Variants in DCUN1D5 observed in about 807,000 individuals in gnomAD.
The protein encoded by DCUN1D5 is defective in cullin neddylation 1 domain containing 5.
Under a neutral mutation model 38.3 loss-of-function variants are expected in DCUN1D5, and 10 were observed. The ratio of observed to expected loss-of-function variants is 0.26; its 90% CI spans 0.16 to 0.44. The LOEUF (loss-of-function observed/expected upper bound fraction) is 0.44, where lower values mean the gene tolerates loss of function less well. Ranked by LOEUF, DCUN1D5 falls within the 20% of genes least tolerant of loss-of-function variation. The pLI, the probability that DCUN1D5 is intolerant of heterozygous loss-of-function variation, is 1.00. For synonymous variants in DCUN1D5, 93 were observed against 90.9 expected, an observed-to-expected ratio of 1.02 and a Z score of -0.13; for missense variants, 148 against 275.3, an observed-to-expected ratio of 0.54 and a Z score of 3.27.
In DCUN1D5 at chr11:103,065,651, G is replaced by GA. The variant is rs1862117340; in HGVS notation, c.555+617dup. On this transcript the variant is annotated intron_variant, in intron 6 of 7. Coordinates refer to ENST00000260247, the MANE Select transcript of DCUN1D5 (RefSeq NM_032299.4). The surrounding 1 kb of genome is among the most constrained non-coding windows in gnomAD (Gnocchi z 4.6). ...AAAAAAAAAACTAGACAAAGCAATG[G>GA]AAAAAAAGAATAGCATCTTCTTAGA... Among the ~76,000 whole-genome samples the GA allele has an allele frequency of 6.6e-6, 1 of 151,486 alleles. No individual in the cohort carries two copies. Among genetic ancestry groups the GA allele is most frequent in the Non-Finnish European group, 1.5e-5 (1 of 67,858 alleles).
At position 103,054,272 on chromosome 11, in the gene DCUN1D5, A is replaced by C. The variant is rs1250014202; in HGVS notation, c.*8087T>G. 6.6e-6 allele frequency: 1 copy of C among 152,142 alleles called. No individual in the cohort carries two copies. Among genetic ancestry groups the C allele is most frequent in the African/African-American group, 2.4e-5 (1 of 41,440 alleles). The allele number at this position is 152,142 out of a possible 1,614,324, so 9.4% of individuals were successfully genotyped here. A position where few individuals can be genotyped will look rare whatever the true frequency, so the allele number is the denominator to read the frequency against. ...CTGCTTGAAGAAGTAGTGGGAGCAA[A>C]GATAGAAGGTTAGAATTGTCTCCAT... On this transcript the variant is annotated 3_prime_UTR_variant, in exon 8 of 8. Coordinates refer to ENST00000260247, the MANE Select transcript of DCUN1D5 (RefSeq NM_032299.4).
rs1565287583 is a variant in DCUN1D5 at position 103,071,338 on chromosome 11, GGGTA to G, written c.342-4775_342-4772del. Among the ~76,000 whole-genome samples, 1 of 151,748 alleles carries G rather than the reference GGGTA, an allele frequency of 6.6e-6. No individual in the cohort carries two copies. Among genetic ancestry groups the G allele is most frequent in the African/African-American group, 2.4e-5 (1 of 41,348 alleles). Reference sequence around the variant, plus strand: ...AATTACCCATATCAGGAATGAAATGGGGTATTATTACAGACCCACAGCTATCAAA... The same window carrying G: ...AATTACCCATATCAGGAATGAAATGGTTATTACAGACCCACAGCTATCAAA... On this transcript the variant is annotated intron_variant, in intron 4 of 7. Coordinates refer to ENST00000260247, the MANE Select transcript of DCUN1D5 (RefSeq NM_032299.4). The surrounding 1 kb of genome is among the most constrained non-coding windows in gnomAD (Gnocchi z 4.1).
At chr11:103,084,526 G>A (rs17099924) in intron 2 of DCUN1D5, among the ~76,000 whole-genome samples, 3,685 of 152,246 alleles carry the variant, frequency 0.024, 175 homozygotes, top group African/African-American at 0.084. Context: ...GGTGAAGGGG[G>A]TGATTAATTA....
rs894358570 is a variant in DCUN1D5, at chr11:103,071,758, T to C, written c.342-5191A>G. Among the ~76,000 whole-genome samples, 2 of 151,090 alleles carry C rather than the reference T, an allele frequency of 1.3e-5. No homozygotes were observed. Among genetic ancestry groups the C allele is most frequent in the Non-Finnish European group, 3.0e-5 (2 of 67,654 alleles). On this transcript the variant is annotated intron_variant, in intron 4 of 7. Transcript: ENST00000260247. This position sits in a 1 kb window ranked among gnomAD's most constrained non-coding sequence, Gnocchi z 4.1. ...GTAGTCTGAGTAGACCTGTTATTAT[T>C]AACGAAATTGAACTCAAAATTTTTA... is the stretch of plus-strand genomic sequence containing the variant.
Position 103,054,390 on chromosome 11 carries a change from C to A in DCUN1D5, c.*7969G>T, listed in dbSNP as rs1216532728. Reference sequence around the variant, plus strand: ...AAGGCCCCAATTCCCTGACCGTTTTCTTATTTTTCTCTCTCTCATTATTCA... The same window carrying A: ...AAGGCCCCAATTCCCTGACCGTTTTATTATTTTTCTCTCTCTCATTATTCA... On this transcript the variant is annotated 3_prime_UTR_variant, in exon 8 of 8. Transcript: ENST00000260247. 1 of 152,100 alleles carries A rather than the reference C, an allele frequency of 6.6e-6. No homozygotes were observed. Among genetic ancestry groups the A allele is most frequent in the Non-Finnish European group, 1.5e-5 (1 of 67,972 alleles). The allele number at this position is 152,100 out of a possible 1,614,324, so 9.4% of individuals were successfully genotyped here. A position where few individuals can be genotyped will look rare whatever the true frequency, so the allele number is the denominator to read the frequency against.
In DCUN1D5 at chr11:103,071,564, T is replaced by C. The variant is rs1224737898; in HGVS notation, c.342-4997A>G. Among the ~76,000 whole-genome samples the C allele has an allele frequency of 1.3e-5, 2 of 149,832 alleles. No individual in the cohort carries two copies. Among genetic ancestry groups the C allele is most frequent in the African/African-American group, 2.4e-5 (1 of 41,138 alleles). ...GATATTTTATATCTATTGATTTATA[T>C]AGATATAATCTATATCTATGTAAAT... On this transcript the variant is annotated intron_variant, in intron 4 of 7. Coordinates refer to ENST00000260247, the MANE Select transcript of DCUN1D5 (RefSeq NM_032299.4). This position sits in a 1 kb window ranked among gnomAD's most constrained non-coding sequence, Gnocchi z 4.1.
At chr11:103,068,618 G>T (rs117146867) in intron 4 of DCUN1D5, among the ~76,000 whole-genome samples, 1 of 152,080 alleles carries the variant, frequency 6.6e-6, no homozygotes. Context: ...TCACTTATAC[G>T]TGGGAGCTAA....
rs1862037359 is a variant in DCUN1D5 at position 103,062,447 on chromosome 11, C to G, written c.659-33G>C. 1 of 1,586,796 alleles carries G rather than the reference C, an allele frequency of 6.3e-7. No homozygotes were observed. Among genetic ancestry groups the G allele is most frequent in the Non-Finnish European group, 8.6e-7 (1 of 1,157,712 alleles). Reference sequence around the variant, plus strand: ...AAAAGAAACCATTTTTGTCAGAATTCAGTGAACTCATCTCTCCAATTATAA... The same window carrying G: ...AAAAGAAACCATTTTTGTCAGAATTGAGTGAACTCATCTCTCCAATTATAA... On this transcript the variant is annotated intron_variant, in intron 7 of 7. Coordinates refer to ENST00000260247, the MANE Select transcript of DCUN1D5 (RefSeq NM_032299.4). The surrounding 1 kb of genome is among the most constrained non-coding windows in gnomAD (Gnocchi z 4.6).
At chr11:103,076,086 G>A (rs1862401087) in intron 4 of DCUN1D5, among the ~76,000 whole-genome samples, 1 of 152,112 alleles carries the variant, frequency 6.6e-6, no homozygotes, top group Non-Finnish European at 1.5e-5. Context: ...ATCTTAACAG[G>A]CTTGAGACTT....
In DCUN1D5 at chr11:103,072,488, A is replaced by G. The variant is rs911706767; in HGVS notation, c.342-5921T>C. Reference sequence around the variant, plus strand: ...TATGTTTACTGTGGCACTATTCACAATAGTAAAGACTTGGAACCATCCCAA... The same window carrying G: ...TATGTTTACTGTGGCACTATTCACAGTAGTAAAGACTTGGAACCATCCCAA... On this transcript the variant is annotated intron_variant, in intron 4 of 7. Coordinates refer to ENST00000260247, the MANE Select transcript of DCUN1D5 (RefSeq NM_032299.4). Among the ~76,000 whole-genome samples, 3 of 152,220 alleles carry G rather than the reference A, an allele frequency of 2.0e-5. No homozygotes were observed. The South Asian group carries it at 6.2e-4, about 32-fold the overall frequency.
chr11:103,064,456 C>T lies in DCUN1D5; in HGVS notation c.556-79G>A. ...CTCAATTTAGTAAACTAAGTTTTAA[C>T]TGTTTTTGTGATTTGGTTTTTTCTA... On this transcript the variant is annotated intron_variant, in intron 6 of 7. Coordinates refer to ENST00000260247, the MANE Select transcript of DCUN1D5 (RefSeq NM_032299.4). The surrounding 1 kb of genome is among the most constrained non-coding windows in gnomAD (Gnocchi z 4.5). The T allele has an allele frequency of 8.7e-7, 1 of 1,143,254 alleles. No individual in the cohort carries two copies. The highest frequency in any genetic ancestry group is 1.2e-6 in the Non-Finnish European group (1 of 834,424). 70.8% of individuals were successfully genotyped at this position (1,143,254 alleles called of 1,614,324 possible).
rs182001706 is a variant in DCUN1D5 at position 103,055,248 on chromosome 11, A to G, written c.*7111T>C. On this transcript the variant is annotated 3_prime_UTR_variant, in exon 8 of 8. Coordinates refer to ENST00000260247, the MANE Select transcript of DCUN1D5 (RefSeq NM_032299.4). ...CATGTCAACACTCAAAAAGTTTTGG[A>G]TTTTGAAGCATTTTGAATTTCAGAT... 4.6e-5 allele frequency: 7 copies of G among 152,220 alleles called. No homozygotes were observed. The highest frequency in any genetic ancestry group is 2.6e-4 in the Admixed American group (4 of 15,298). The allele number at this position is 152,220 out of a possible 1,614,324, so 9.4% of individuals were successfully genotyped here. A position where few individuals can be genotyped will look rare whatever the true frequency, so the allele number is the denominator to read the frequency against.
rs1311441756 is a variant in DCUN1D5, at chr11:103,054,208, TG to T, written c.*8150del. 4.6e-5 allele frequency: 7 copies of T among 152,138 alleles called. No homozygotes were observed. The highest frequency in any genetic ancestry group is 8.8e-5 in the Non-Finnish European group (6 of 67,986). The allele number at this position is 152,138 out of a possible 1,614,324, so 9.4% of individuals were successfully genotyped here. A position where few individuals can be genotyped will look rare whatever the true frequency, so the allele number is the denominator to read the frequency against. The stretch of plus-strand genomic sequence containing the variant: ...AAAAGGCTTGACCTCCCACTCTCTA[TG>T]GCTGCCAATAACTGCTCTTGAGGAA... On this transcript the variant is annotated 3_prime_UTR_variant, in exon 8 of 8. Transcript: ENST00000260247.
chr11:103,065,448 C>T lies in DCUN1D5; in HGVS notation c.555+821G>A, dbSNP rs183726014. Among the ~76,000 whole-genome samples, 8 of 152,274 alleles carry T rather than the reference C, an allele frequency of 5.3e-5. No homozygotes were observed. The East Asian group carries it at 1.4e-3, about 26-fold the overall frequency. On this transcript the variant is annotated intron_variant, in intron 6 of 7. Coordinates refer to ENST00000260247, the MANE Select transcript of DCUN1D5 (RefSeq NM_032299.4). The surrounding 1 kb of genome is among the most constrained non-coding windows in gnomAD (Gnocchi z 4.6). Reference sequence around the variant, plus strand: ...CTGGGATTACAGGCGTGTGCCACCACGCCCAGCTGATATCACTGTCTTGTA... The same window carrying T: ...CTGGGATTACAGGCGTGTGCCACCATGCCCAGCTGATATCACTGTCTTGTA...
At position 103,054,509 on chromosome 11, in the gene DCUN1D5, C is replaced by T. The variant is rs1012586056; in HGVS notation, c.*7850G>A. On this transcript the variant is annotated 3_prime_UTR_variant, in exon 8 of 8. Coordinates refer to ENST00000260247, the MANE Select transcript of DCUN1D5 (RefSeq NM_032299.4). ...ATTTCTATTATTGAAGGGAAAAAGA[C>T]ATTTAAATAGATACAGCACAAGATA... The T allele has an allele frequency of 2.0e-5, 3 of 152,064 alleles. No homozygotes were observed. Among genetic ancestry groups the T allele is most frequent in the African/African-American group, 7.2e-5 (3 of 41,410 alleles). The allele number at this position is 152,064 out of a possible 1,614,324, so 9.4% of individuals were successfully genotyped here.
At chr11:103,090,533 A>C (rs1352534033) in intron 1 of DCUN1D5, among the ~76,000 whole-genome samples, 1 of 152,238 alleles carries the variant, frequency 6.6e-6, no homozygotes, top group South Asian at 2.1e-4. Context: ...TCCTGGCTAC[A>C]GTCTCCTTTC....
In DCUN1D5 at chr11:103,050,879, T is replaced by C. The variant is rs1039716946; in HGVS notation, c.*11480A>G. On this transcript the variant is annotated 3_prime_UTR_variant, in exon 8 of 8. Transcript: ENST00000260247. ...TACTGTAATATGGTGTTATCAGCACTCTAATAAAAGTATATACAAGGTTAG... is the reference window on the plus strand; with the variant it reads ...TACTGTAATATGGTGTTATCAGCACCCTAATAAAAGTATATACAAGGTTAG... 3.3e-5 allele frequency: 5 copies of C among 152,182 alleles called. No individual in the cohort carries two copies. Among genetic ancestry groups the C allele is most frequent in the Non-Finnish European group, 5.9e-5 (4 of 68,018 alleles). The allele number at this position is 152,182 out of a possible 1,614,324, so 9.4% of individuals were successfully genotyped here.
In DCUN1D5 at chr11:103,065,856, A is replaced by G. The variant is rs977953263; in HGVS notation, c.555+413T>C. Among the ~76,000 whole-genome samples the G allele has an allele frequency of 5.3e-5, 8 of 152,140 alleles. No homozygotes were observed. The highest frequency in any genetic ancestry group is 7.4e-5 in the Non-Finnish European group (5 of 68,022). The stretch of plus-strand genomic sequence containing the variant: ...TTAGATTGAGCCTAAGTAGAAAAGG[A>G]AAGTTTTATTACTAAATTGGTTCTC... On this transcript the variant is annotated intron_variant, in intron 6 of 7. Transcript: ENST00000260247. The surrounding 1 kb of genome is among the most constrained non-coding windows in gnomAD (Gnocchi z 4.6).
chr11:103,084,921 A>G (rs1036838883), intron 2 of DCUN1D5, among the ~76,000 whole-genome samples: 2 of 152,074 alleles, frequency 1.3e-5, no homozygotes, highest in African/African-American at 4.8e-5. Flanking sequence ...CAGGAGTTTG[A>G]GGCTGCAATG....
Sources: allele counts gnomAD v4.1 joint callset (sites outside exome capture counted in the v4.1 genomes callset), GRCh38; gene constraint gnomAD v4.1.1; non-coding constraint Gnocchi (gnomAD v3.1); transcripts MANE v1.5; gene names NCBI Gene and HGNC (gene_info 2026-07-23, HGNC 2026-07-21).